The following ADAMDEC1 variants were observed in gnomAD, a reference collection of about 807,000 sequenced individuals.
ADAMDEC1 encodes the protein ADAM like decysin 1, also known as ADAM DEC1.
A neutral mutation model predicts 60.4 loss-of-function variants in ADAMDEC1; 62 were observed. That is an observed-to-expected ratio of 1.03 (90% CI 0.84 to 1.27). ADAMDEC1 has a LOEUF of 1.27. ADAMDEC1 is among the 50% of genes most tolerant of loss of function. The pLI, the probability that ADAMDEC1 is intolerant of heterozygous loss-of-function variation, is 0.00. For missense variants in ADAMDEC1, 595 were observed against 565.0 expected (o/e 1.05, Z -0.54); for synonymous variants, 210 against 195.1 (o/e 1.08, Z -0.64).
chr8:24,404,071 T>C lies in ADAMDEC1; in HGVS notation c.1389T>C (p.Asp463=), dbSNP rs768504797. 1.2e-6 allele frequency: 2 copies of C among 1,613,708 alleles called. No homozygotes were observed. The highest frequency in any genetic ancestry group is 3.3e-5 in the Admixed American group (2 of 59,968). ...AGCCTGGAACTGATTGCGGAGGAGA[T>C]GCTCCAAACCATACCACGTAAGACC... ...KLKPGTDCGG[D]APNHTTE is the part of the protein sequence containing the mutation. Residue 463 remains aspartate, a synonymous_variant, in exon 13 of 14, where the codon GAT becomes GAC. Transcript: ENST00000256412.
intron 1 of ADAMDEC1, among the ~76,000 whole-genome samples, chr8:24,388,242 C>T (rs1437857760): frequency 6.6e-6 from 1 of 152,040 alleles, no homozygotes; most frequent in Non-Finnish European, 1.5e-5. Flanking sequence ...GCGTCCTTTC[C>T]CTATAGTTTT....
intron 1 of ADAMDEC1, among the ~76,000 whole-genome samples, chr8:24,386,651 C>G (rs1353269841): frequency 6.6e-6 from 1 of 152,188 alleles, no homozygotes; most frequent in Non-Finnish European, 1.5e-5. Context: ...GGACATTGAC[C>G]TAACATTTTC....
chr8:24,402,251 A>C (rs1261463064), intron 12 of ADAMDEC1, among the ~76,000 whole-genome samples, 159 bp downstream of exon 12: 1 of 152,148 alleles, frequency 6.6e-6, no homozygotes, highest in Non-Finnish European at 1.5e-5. Flanking sequence ...AATCCTTTGA[A>C]AGGCATTTCA....
chr8:24,399,775 C>T (rs1348760144), intron 10 of ADAMDEC1, among the ~76,000 whole-genome samples: 1 of 152,104 alleles, frequency 6.6e-6, no homozygotes, highest in Non-Finnish European at 1.5e-5. Context: ...TACTAGTCAT[C>T]CCCAGTATCT....
Position 24,401,914 on chromosome 8 carries a change from G to A in ADAMDEC1, c.1143-1G>A, listed in dbSNP as rs140093269. The A allele has an allele frequency of 1.9e-6, 3 of 1,606,068 alleles. No individual in the cohort carries two copies. The highest frequency in any genetic ancestry group is 1.3e-5 in the African/African-American group (1 of 74,614). ...TTATTTGAGTTTTCTTCTGATTACA[G>A]TTCAAAATTCCCAAAGGATTTCAGT... is the stretch of plus-strand genomic sequence containing the variant. On this transcript the variant is annotated splice_acceptor_variant, in intron 11 of 13. Coordinates refer to ENST00000256412, the MANE Select transcript of ADAMDEC1 (RefSeq NM_014479.3). LOFTEE classifies it high-confidence loss of function.
At chr8:24,385,961 A>G (rs953281234) in intron 1 of ADAMDEC1, among the ~76,000 whole-genome samples, 4 of 151,882 alleles carry the variant, frequency 2.6e-5, no homozygotes, top group African/African-American at 4.8e-5. Context: ...AAAAATCTAC[A>G]TATCTTTTTT....
chr8:24,397,818 C>A, intron 7 of ADAMDEC1, 73 bp downstream of exon 7: 2 of 1,426,908 alleles, frequency 1.4e-6, no homozygotes, highest in Non-Finnish European at 1.9e-6. Flanking sequence ...CAAAAGCAAG[C>A]AATAAACTAT....
chr8:24,391,171 C>A (rs1463371176), intron 1 of ADAMDEC1, among the ~76,000 whole-genome samples: 1 of 152,148 alleles, frequency 6.6e-6, no homozygotes, highest in Non-Finnish European at 1.5e-5. Context: ...AATTTCCTTT[C>A]ATTTTCCGTA....
intron 3 of ADAMDEC1, among the ~76,000 whole-genome samples, chr8:24,393,805 C>T (rs770668769): frequency 1.3e-5 from 2 of 152,058 alleles, no homozygotes; most frequent in Non-Finnish European, 2.9e-5. Flanking sequence ...GTCCTTGGTG[C>T]AAGAAATCTC....
intron 1 of ADAMDEC1, among the ~76,000 whole-genome samples, chr8:24,385,356 G>A (rs1034013190): frequency 2.0e-5 from 3 of 152,098 alleles, no homozygotes; most frequent in Admixed American, 6.6e-5. Context: ...CACACATACG[G>A]CTGGCTCTAG....
intron 1 of ADAMDEC1, 123 bp from the exon 2 acceptor site, chr8:24,392,139 T>C: frequency 1.8e-6 from 1 of 561,218 alleles, no homozygotes; most frequent in South Asian, 3.3e-5. Flanking sequence ...TAATGTTTGC[T>C]CTCTACATAG....
At chr8:24,389,757 A>G (rs1052889451) in intron 1 of ADAMDEC1, among the ~76,000 whole-genome samples, 2 of 152,106 alleles carry the variant, frequency 1.3e-5, no homozygotes, top group African/African-American at 4.8e-5. Flanking sequence ...TGCACTCTCT[A>G]TCCAGGATCT....
intron 1 of ADAMDEC1, among the ~76,000 whole-genome samples, chr8:24,389,542 A>T (rs1817383968): frequency 6.6e-6 from 1 of 152,184 alleles, no homozygotes; most frequent in Admixed American, 6.6e-5. Context: ...TTGACAGATC[A>T]GACAGGGCAA....
At position 24,398,934 on chromosome 8, in the gene ADAMDEC1, G is replaced by T; in HGVS notation, c.823G>T (p.Asp275Tyr). The T allele has an allele frequency of 6.2e-7, 1 of 1,613,888 alleles. No individual in the cohort carries two copies. The highest frequency in any genetic ancestry group is 8.5e-7 in the Non-Finnish European group (1 of 1,179,892). The change falls in exon 9 of 14, where the codon GAT becomes TAT. Residue 275 changes from aspartate to tyrosine, a missense_variant. Transcript: ENST00000256412. ...AGGTATGGAAATCTGGTCTGATGGGGATAAGATAAAGGTGGTGCCCAGCGC... is the reference window on the plus strand; with the variant it reads ...AGGTATGGAAATCTGGTCTGATGGGTATAAGATAAAGGTGGTGCCCAGCGC... ...LVGMEIWSDG[D>Y]KIKVVPSAST... is the part of the protein sequence containing the mutation.
intron 4 of ADAMDEC1, 38 bp from the exon 5 acceptor site, chr8:24,395,682 A>ACG: frequency 7.1e-7 from 1 of 1,415,134 alleles, no homozygotes; most frequent in African/African-American, 1.4e-5. Context: ...ACACACACAC[A>ACG]CACATTTCTG....
chr8:24,389,855 A>G (rs1817392511), intron 1 of ADAMDEC1, among the ~76,000 whole-genome samples: 1 of 152,130 alleles, frequency 6.6e-6, no homozygotes, highest in Non-Finnish European at 1.5e-5. Context: ...CATCTTCCTG[A>G]AGTCTTGGCT....
Position 24,399,460 on chromosome 8 carries a change from G to A in ADAMDEC1, c.997G>A (p.Val333Ile). The A allele has an allele frequency of 3.7e-6, 6 of 1,613,718 alleles. No homozygotes were observed. Among genetic ancestry groups the A allele is most frequent in the African/African-American group, 1.3e-5 (1 of 74,986 alleles). ...AAATTCCTTGTGTTCCCCATCTTCG[G>A]TTGCTGTTATTGAGGTTTGTAAATT... ...ASNSLCSPSS[V>I]AVIEAKKKNN... The change falls in exon 10 of 14, where the codon GTT becomes ATT. Residue 333 changes from valine (V) to isoleucine (I), a missense_variant. Physicochemically the swap from Val to Ile is conservative, Grantham distance 29 (BLOSUM62 3). Coordinates refer to ENST00000256412, the MANE Select transcript of ADAMDEC1 (RefSeq NM_014479.3).
Position 24,405,609 on chromosome 8 carries a change from C to A in ADAMDEC1, c.*311C>A, listed in dbSNP as rs1817870126. 9.5e-6 allele frequency: 3 copies of A among 315,296 alleles called. No individual in the cohort carries two copies. In the South Asian group the frequency reaches 2.1e-4, roughly 22 times the overall value. The allele number at this position is 315,296 out of a possible 1,614,324, so 19.5% of individuals were successfully genotyped here. ...TCTTCCATCAAATCACCTTAAAATGCACGGCTAAACTATTCAGAGTTAACA... is the reference window on the plus strand; with the variant it reads ...TCTTCCATCAAATCACCTTAAAATGAACGGCTAAACTATTCAGAGTTAACA... On this transcript the variant is annotated 3_prime_UTR_variant, in exon 14 of 14. Coordinates refer to ENST00000256412, the MANE Select transcript of ADAMDEC1 (RefSeq NM_014479.3).
chr8:24,387,235 T>A (rs994790592), intron 1 of ADAMDEC1: 2 of 152,152 alleles, frequency 1.3e-5, no homozygotes, highest in South Asian at 4.1e-4. Flanking sequence ...TAAGACAGGG[T>A]CCCATAACAG....
Sources: allele counts gnomAD v4.1 joint callset (sites outside exome capture counted in the v4.1 genomes callset), GRCh38; gene constraint gnomAD v4.1.1; transcripts MANE v1.5; gene names NCBI Gene and HGNC (gene_info 2026-07-23, HGNC 2026-07-21).